SH2D2A: variants seen among roughly 807,000 people sequenced by gnomAD.
The protein encoded by SH2D2A is SH2 domain containing 2A, also known as SH2 domain-containing protein 2A.
Under a neutral mutation model 43.6 loss-of-function variants are expected in SH2D2A, and 33 were observed. The observed-to-expected ratio is 0.76, with a 90% confidence interval of 0.57 to 1.01. SH2D2A has a LOEUF of 1.01. Ranked by LOEUF, SH2D2A falls within the 50% of genes least tolerant of loss-of-function variation. The probability of loss-of-function intolerance (pLI) is 0.00; values close to 1 mark genes in which losing one functional copy is unlikely to be tolerated. For synonymous variants in SH2D2A, 212 were observed against 206.1 expected, an observed-to-expected ratio of 1.03 and a Z score of -0.25; for missense variants, 491 against 503.1, an observed-to-expected ratio of 0.98 and a Z score of 0.23.
chr1:156,808,733 G>A (rs1653160637), intron 7 of SH2D2A, among the ~76,000 whole-genome samples: 1 of 152,102 alleles, frequency 6.6e-6, no homozygotes, highest in African/African-American at 2.4e-5. Context: ...GGAGAGCAGG[G>A]TCCCCCTCCC....
intron 4 of SH2D2A, 88 bp from the exon 5 acceptor site, chr1:156,814,104 G>A (rs1653642066): frequency 3.3e-6 from 5 of 1,522,980 alleles, no homozygotes; most frequent in African/African-American, 1.4e-5. Flanking sequence ...TCAGCAGCCC[G>A]GGGAATGAGC....
chr1:156,813,844 G>A lies in SH2D2A; in HGVS notation c.567+4C>T, dbSNP rs1653603099. ...GCTCTCTGGTCAGGGTCTGGGGCGC[G>A]TACCTGTCGGGCGAGGGGCTCGGTG... On this transcript the variant is annotated splice_donor_region_variant and intron_variant, in intron 5 of 8. Coordinates refer to ENST00000368199, the MANE Select transcript of SH2D2A (RefSeq NM_003975.4). 2 of 1,472,716 alleles carry A rather than the reference G, an allele frequency of 1.4e-6. No homozygotes were observed. Among genetic ancestry groups the A allele is most frequent in the African/African-American group, 1.4e-5 (1 of 71,540 alleles). 91.2% of individuals were successfully genotyped at this position (1,472,716 alleles called of 1,614,324 possible).
intron 3 of SH2D2A, chr1:156,814,821 A>AG (rs1653736738): frequency 2.3e-6 from 1 of 444,022 alleles, no homozygotes; most frequent in Admixed American, 4.0e-5. Context: ...TGAGGTACAC[A>AG]GAGGGCTGGA....
chr1:156,814,529 G>T, intron 3 of SH2D2A: 1 of 672,358 alleles, frequency 1.5e-6, no homozygotes, highest in Non-Finnish European at 2.4e-6. Context: ...TCCTCCCCTG[G>T]CCTCATCCTG....
intron 3 of SH2D2A, 153 bp downstream of exon 3, chr1:156,814,884 G>A (rs981247066): frequency 1.8e-6 from 1 of 570,418 alleles, no homozygotes; most frequent in Non-Finnish European, 2.9e-6. Flanking sequence ...GAAAGGCTAG[G>A]AAAACTCTGG....
At chr1:156,810,848 CCACCT>C (rs1164662159) in intron 5 of SH2D2A, among the ~76,000 whole-genome samples, 1 of 152,116 alleles carries the variant, frequency 6.6e-6, no homozygotes, top group African/African-American at 2.4e-5. Context: ...AGGGCAGAGA[CCACCT>C]CAGGAGAGAG....
At chr1:156,816,384 C>G (rs1345134031) in intron 1 of SH2D2A, among the ~76,000 whole-genome samples, 1 of 152,186 alleles carries the variant, frequency 6.6e-6, no homozygotes, top group African/African-American at 2.4e-5. Context: ...CACTTCAGGG[C>G]AGGCCCTTCT....
chr1:156,809,551 C>T lies in SH2D2A; in HGVS notation c.715-61G>A. On this transcript the variant is annotated intron_variant, in intron 6 of 8. Transcript: ENST00000368199. The surrounding 1 kb of genome is among the most constrained non-coding windows in gnomAD (Gnocchi z 4.8). ...GAGGGAGGCAGGGTTAAAGCCCCAG[C>T]CTAACTCCCAGCCTGAGCCTCTGCC... 1 of 1,555,728 alleles carries T rather than the reference C, an allele frequency of 6.4e-7. No individual in the cohort carries two copies.
At chr1:156,815,720 C>A (rs914387978) in intron 2 of SH2D2A, 2 of 1,221,502 alleles carry the variant, frequency 1.6e-6, no homozygotes, top group African/African-American at 2.9e-5. Flanking sequence ...ACACAGAGTG[C>A]AGATGCCTGC....
chr1:156,815,818 G>A (rs1653850582), intron 2 of SH2D2A, 188 bp downstream of exon 2: 1 of 1,614,142 alleles, frequency 6.2e-7, no homozygotes, highest in South Asian at 1.1e-5. Context: ...GAGTGAGTGG[G>A]CAACTCGGCG....
intron 3 of SH2D2A, 82 bp downstream of exon 3, chr1:156,814,955 A>G: frequency 8.0e-7 from 1 of 1,255,980 alleles, no homozygotes; most frequent in Non-Finnish European, 1.1e-6. Flanking sequence ...GGGAGCCTTC[A>G]TCTATTCCTG....
intron 1 of SH2D2A, 53 bp from the exon 2 acceptor site, chr1:156,816,147 C>T (rs1357279610): frequency 6.4e-7 from 1 of 1,555,540 alleles, no homozygotes; most frequent in East Asian, 2.3e-5. Flanking sequence ...CTATGTCTGT[C>T]TCTGCCTCCC....
chr1:156,814,966 G>T, intron 3 of SH2D2A, 71 bp downstream of exon 3: 1 of 1,316,806 alleles, frequency 7.6e-7, no homozygotes, highest in Non-Finnish European at 1.0e-6. Context: ...TCTATTCCTG[G>T]CAGGTGGCAG....
intron 3 of SH2D2A, 127 bp downstream of exon 3, chr1:156,814,910 G>A (rs1653744596): frequency 1.3e-6 from 1 of 744,258 alleles, no homozygotes; most frequent in Non-Finnish European, 2.0e-6. Flanking sequence ...GGAGCCTGGA[G>A]TGGGCGCCTC....
rs775424646 is a variant in SH2D2A, at chr1:156,815,238, T to C, written c.124-17A>G. On this transcript the variant is annotated splice_polypyrimidine_tract_variant and intron_variant, in intron 2 of 8. Transcript: ENST00000368199. ...GGGAGATGCCTGGATCAGGGAAGAG[T>C]TCAAGGAGGGGGAAGCAGCATGATG... 23 of 1,461,432 alleles carry C rather than the reference T, an allele frequency of 1.6e-5. No homozygotes were observed. The highest frequency in any genetic ancestry group is 2.1e-5 in the Non-Finnish European group (23 of 1,100,640). 90.5% of individuals were successfully genotyped at this position (1,461,432 alleles called of 1,614,324 possible).
intron 7 of SH2D2A, among the ~76,000 whole-genome samples, chr1:156,808,121 C>CTGGGTGG (rs1440764522): frequency 2.6e-4 from 40 of 152,130 alleles, no homozygotes; most frequent in African/African-American, 9.4e-4. Context: ...CACTGCACTC[C>CTGGGTGG]AGCCTGGGTG....
Position 156,813,965 on chromosome 1 carries a change from G to T in SH2D2A, c.450C>A (p.Arg150=). The part of the protein sequence containing the change: ...HFLLAQLRDG[R]HVVLGEDSAH... ...CGCTGTCCTCGCCCAGCACCACGTG[G>T]CGCCCGTCCCTGAGCTGGGCCAGCA... The change falls in exon 5 of 9, where the codon CGC becomes CGA. Residue 150 remains arginine, a synonymous_variant. Transcript: ENST00000368199. 1 of 1,532,360 alleles carries T rather than the reference G, an allele frequency of 6.5e-7. No individual in the cohort carries two copies. The highest frequency in any genetic ancestry group is 8.7e-7 in the Non-Finnish European group (1 of 1,143,240). 94.9% of individuals were successfully genotyped at this position (1,532,360 alleles called of 1,614,324 possible).
Position 156,815,222 on chromosome 1 carries a change from C to G in SH2D2A, c.124-1G>C. On this transcript the variant is annotated splice_acceptor_variant, in intron 2 of 8. Transcript: ENST00000368199. LOFTEE classifies it high-confidence loss of function. ...CAGCCTCCGGGGCCTGGGGAGATGCCTGGATCAGGGAAGAGTTCAAGGAGG... is the reference window on the plus strand; with the variant it reads ...CAGCCTCCGGGGCCTGGGGAGATGCGTGGATCAGGGAAGAGTTCAAGGAGG... 1 of 1,507,414 alleles carries G rather than the reference C, an allele frequency of 6.6e-7. No homozygotes were observed. Among genetic ancestry groups the G allele is most frequent in the Non-Finnish European group, 8.9e-7 (1 of 1,123,920 alleles). 93.4% of individuals were successfully genotyped at this position (1,507,414 alleles called of 1,614,324 possible).
In SH2D2A at chr1:156,809,618, G is replaced by T; in HGVS notation, c.714+43C>A. 1 of 1,579,244 alleles carries T rather than the reference G, an allele frequency of 6.3e-7. No homozygotes were observed. Among genetic ancestry groups the T allele is most frequent in the Non-Finnish European group, 8.6e-7 (1 of 1,163,636 alleles). On this transcript the variant is annotated intron_variant, in intron 6 of 8. Transcript: ENST00000368199. This position sits in a 1 kb window ranked among gnomAD's most constrained non-coding sequence, Gnocchi z 4.8. ...TCCTCCCCGCTGCCTGCACCCCCTC[G>T]CAGGCCTGTCCTCCCACTCCCTCAG... is the stretch of plus-strand genomic sequence containing the variant.
Sources: gnomAD v4.1 joint callset for allele counts (sites outside exome capture counted in the v4.1 genomes callset) on GRCh38, gnomAD v4.1.1 for gene constraint, Gnocchi (gnomAD v3.1) non-coding constraint, MANE v1.5 for transcripts, NCBI Gene and HGNC (gene_info 2026-07-23, HGNC 2026-07-21) for gene names.